Variants in SGCZ observed in about 807,000 individuals in gnomAD.
The protein encoded by SGCZ is zeta-sarcoglycan.
A neutral mutation model predicts 41.3 loss-of-function variants in SGCZ; 40 were observed. The ratio of observed to expected loss-of-function variants is 0.97; its 90% CI spans 0.75 to 1.26. SGCZ has a LOEUF of 1.26. Ranked by LOEUF, SGCZ falls within the 50% of genes most tolerant of loss-of-function variation. SGCZ has a pLI of 0.00. For synonymous variants in SGCZ, 206 were observed against 137.5 expected, an observed-to-expected ratio of 1.50 and a Z score of -3.49; for missense variants, 552 against 369.8, an observed-to-expected ratio of 1.49 and a Z score of -4.04.
At chr8:14,103,285 GAC>G (rs67069708) in intron 6 of SGCZ, among the ~76,000 whole-genome samples, 82,830 of 151,804 alleles carry the variant, frequency 0.55, 24,768 homozygotes, top group East Asian at 0.88. Flanking sequence ...AAGCAAAAAT[GAC>G]ACACAACACA....
chr8:14,845,599 C>T (rs914917343), intron 1 of SGCZ, among the ~76,000 whole-genome samples: 4 of 152,084 alleles, frequency 2.6e-5, no homozygotes, highest in Admixed American at 2.6e-4. Flanking sequence ...GTCATTTTAA[C>T]TTTATATGTT....
intron 2 of SGCZ, among the ~76,000 whole-genome samples, chr8:14,329,858 G>A (rs1394613130): frequency 7.0e-6 from 1 of 142,856 alleles, no homozygotes; most frequent in African/African-American, 2.4e-5. Context: ...GTTTGTATTT[G>A]CTTTTTTTTC....
chr8:14,175,705 A>G (rs148153624), intron 4 of SGCZ, among the ~76,000 whole-genome samples: 1 of 152,256 alleles, frequency 6.6e-6, no homozygotes, highest in East Asian at 1.9e-4. Context: ...AGGAGGTAGA[A>G]AAGGAGATTA....
intron 1 of SGCZ, among the ~76,000 whole-genome samples, chr8:14,561,430 G>A (rs990468156): frequency 1.3e-5 from 2 of 152,116 alleles, no homozygotes; most frequent in Non-Finnish European, 2.9e-5. Context: ...ATAGTACCAA[G>A]ATGTTTCTCT....
intron 5 of SGCZ, among the ~76,000 whole-genome samples, chr8:14,161,867 A>G (rs759245435): frequency 7.2e-5 from 11 of 152,170 alleles, no homozygotes; most frequent in Non-Finnish European, 1.0e-4. Context: ...ATACAGTCAC[A>G]TAAGTCACAT....
At chr8:14,889,473 A>C (rs1057054283) in intron 1 of SGCZ, among the ~76,000 whole-genome samples, 1 of 152,162 alleles carries the variant, frequency 6.6e-6, no homozygotes, top group Admixed American at 6.5e-5. Flanking sequence ...TATTAAGTTG[A>C]CATCACACTT....
chr8:14,249,561 G>C (rs529476065), intron 3 of SGCZ, among the ~76,000 whole-genome samples: 32 of 152,302 alleles, frequency 2.1e-4, no homozygotes, highest in African/African-American at 7.7e-4. Flanking sequence ...GCTTGTATGA[G>C]ACACTATGAT....
chr8:14,665,211 G>A (rs1807871327), intron 1 of SGCZ, among the ~76,000 whole-genome samples: 1 of 151,714 alleles, frequency 6.6e-6, no homozygotes, highest in South Asian at 2.1e-4. Flanking sequence ...CACTTCCTGT[G>A]TCCATGTGTT....
intron 1 of SGCZ, among the ~76,000 whole-genome samples, chr8:14,606,107 T>C (rs1805740221): frequency 1.3e-5 from 2 of 152,136 alleles, no homozygotes; most frequent in Admixed American, 1.3e-4. Context: ...CCAACTTTTC[T>C]ATTACCACCG....
At chr8:15,156,401 C>CT (rs1374749617) in intron 1 of SGCZ, among the ~76,000 whole-genome samples, 1 of 152,170 alleles carries the variant, frequency 6.6e-6, no homozygotes, top group Admixed American at 6.5e-5. Flanking sequence ...CCTAAGAGAA[C>CT]TTGCCAATCG....
intron 4 of SGCZ, among the ~76,000 whole-genome samples, chr8:14,181,231 C>A (rs1038870604): frequency 6.6e-6 from 1 of 152,160 alleles, no homozygotes; most frequent in African/African-American, 2.4e-5. Context: ...ATTCTTCCTA[C>A]CTTGGGAGCT....
chr8:14,528,630 T>C (rs1803025024), intron 2 of SGCZ, among the ~76,000 whole-genome samples: 1 of 151,950 alleles, frequency 6.6e-6, no homozygotes, highest in South Asian at 2.1e-4. Context: ...TGTTCCAACA[T>C]AACCAAACTA....
intron 1 of SGCZ, among the ~76,000 whole-genome samples, chr8:14,652,429 AATG>A (rs1807436372): frequency 6.6e-6 from 1 of 151,824 alleles, no homozygotes; most frequent in Admixed American, 6.6e-5. Flanking sequence ...CTATGAAGAC[AATG>A]ATATCTATAA....
At chr8:14,562,879 A>G (rs938494749) in intron 1 of SGCZ, among the ~76,000 whole-genome samples, 11 of 152,186 alleles carry the variant, frequency 7.2e-5, no homozygotes, top group African/African-American at 2.2e-4. Flanking sequence ...ATCGAGAGAG[A>G]AGTCACGTGA....
In SGCZ at chr8:14,102,684, T is replaced by C. The variant is rs114549987; in HGVS notation, c.621-185A>G. Among the ~76,000 whole-genome samples, 951 of 152,244 alleles carry C rather than the reference T, an allele frequency of 6.2e-3. 17 individuals are homozygous for C. Among genetic ancestry groups the C allele is most frequent in the African/African-American group, 0.021 (880 of 41,574 alleles). ...GAATGAGTTTCAGAACAATTTTTGA[T>C]TGACGTATCTATTTTTGGCTCTTTA... On this transcript the variant is annotated intron_variant, in intron 6 of 7. Transcript: ENST00000382080.
chr8:14,756,012 TAAG>T (rs1198618424), intron 1 of SGCZ, among the ~76,000 whole-genome samples: 1 of 152,104 alleles, frequency 6.6e-6, no homozygotes, highest in African/African-American at 2.4e-5. Context: ...GATATTTTAC[TAAG>T]AAGAGTGAAA....
At chr8:14,287,495 G>A (rs1800682468) in intron 3 of SGCZ, among the ~76,000 whole-genome samples, 1 of 151,906 alleles carries the variant, frequency 6.6e-6, no homozygotes, top group Non-Finnish European at 1.5e-5. Flanking sequence ...AGATATTAAT[G>A]AGTTTGGTCT....
chr8:14,283,758 C>A (rs999078329), intron 3 of SGCZ, among the ~76,000 whole-genome samples: 4 of 152,144 alleles, frequency 2.6e-5, no homozygotes, highest in Non-Finnish European at 5.9e-5. Context: ...CATATGGTCT[C>A]TATCATAACT....
chr8:14,326,413 A>T (rs1255496664), intron 2 of SGCZ, among the ~76,000 whole-genome samples: 1 of 152,120 alleles, frequency 6.6e-6, no homozygotes, highest in Non-Finnish European at 1.5e-5. Flanking sequence ...AGAGAAAAAA[A>T]CGAATAGGAT....
Sources: gnomAD v4.1 joint callset for allele counts (sites outside exome capture counted in the v4.1 genomes callset) on GRCh38, gnomAD v4.1.1 for gene constraint, MANE v1.5 for transcripts, NCBI Gene and HGNC (gene_info 2026-07-23, HGNC 2026-07-21) for gene names.